The following ASAH2 variants were observed in gnomAD, a reference collection of about 807,000 sequenced individuals.
ASAH2 encodes N-acylsphingosine amidohydrolase 2, also known as neutral ceramidase.
A neutral mutation model predicts 82.9 loss-of-function variants in ASAH2; 58 were observed. The ratio of observed to expected loss-of-function variants is 0.70; its 90% CI spans 0.57 to 0.87. ASAH2 has a LOEUF of 0.87. Among genes scored for constraint, ASAH2 ranks in the 40% least tolerant of loss-of-function variants. The probability of loss-of-function intolerance (pLI) is 0.00; values close to 1 mark genes in which losing one functional copy is unlikely to be tolerated. For missense variants in ASAH2, 779 were observed against 834.0 expected (o/e 0.93, Z 0.81); for synonymous variants, 276 against 289.7 (o/e 0.95, Z 0.48).
chr10:50,248,659 A>G lies in ASAH2; in HGVS notation c.-36-13T>C. ...GGAAGAAGAAATACTGAAGAGGAAG[A>G]AATCACAAATTAAAATGCAAATGCT... On this transcript the variant is annotated splice_polypyrimidine_tract_variant and intron_variant, in intron 1 of 20. Coordinates refer to ENST00000682911, the MANE Select transcript of ASAH2 (RefSeq NM_019893.4). 6.3e-7 allele frequency: 1 copy of G among 1,575,764 alleles called. No individual in the cohort carries two copies. Among genetic ancestry groups the G allele is most frequent in the Non-Finnish European group, 8.6e-7 (1 of 1,157,856 alleles).
Position 50,233,232 on chromosome 10 carries a change from A to G in ASAH2, c.845T>C (p.Ile282Thr). 1 of 1,611,980 alleles carries G rather than the reference A, an allele frequency of 6.2e-7. No individual in the cohort carries two copies. The highest frequency in any genetic ancestry group is 8.5e-7 in the Non-Finnish European group (1 of 1,178,262). The change falls in exon 7 of 21, where the codon ATA becomes ACA. Residue 282 changes from isoleucine to threonine, a missense_variant. Physicochemically the swap from Ile to Thr is moderately conservative, Grantham distance 89. This residue lies in a region of ASAH2 where 759 missense variants were observed against 755.2 expected (regional missense o/e 1.00). Transcript: ENST00000682911. ...RYSSNTDKEM[I>T]VLKMVDLNGD... The stretch of plus-strand genomic sequence containing the variant: ...ATTCAAATCTACCATTTTCAAAACT[A>G]TCATTTCCTTGTCTGTATTTGAAGA...
intron 16 of ASAH2, among the ~76,000 whole-genome samples, chr10:50,201,839 T>TG (rs1470229620): frequency 6.6e-6 from 1 of 152,132 alleles, no homozygotes; most frequent in Non-Finnish European, 1.5e-5. Context: ...ACAAGATATA[T>TG]CTGTGGATCT....
chr10:50,195,447 T>C (rs1844951324), intron 18 of ASAH2, among the ~76,000 whole-genome samples: 1 of 150,700 alleles, frequency 6.6e-6, no homozygotes, highest in East Asian at 2.0e-4. Context: ...TTCATGACAA[T>C]GTGAATTAGT....
At chr10:50,201,571 G>C (rs1442563955) in intron 16 of ASAH2, among the ~76,000 whole-genome samples, 1 of 152,056 alleles carries the variant, frequency 6.6e-6, no homozygotes, top group Admixed American at 6.6e-5. Flanking sequence ...TACTGCAGGG[G>C]GGTTCAGGGA....
intron 7 of ASAH2, among the ~76,000 whole-genome samples, chr10:50,228,077 A>G (rs1447257528): frequency 2.0e-5 from 3 of 152,250 alleles, no homozygotes; most frequent in South Asian, 2.1e-4. Context: ...TGATCCCAAC[A>G]CTCTGAAAGG....
chr10:50,245,566 TTC>T, intron 2 of ASAH2, 112 bp from the exon 3 acceptor site: 1 of 937,752 alleles, frequency 1.1e-6, no homozygotes, highest in Non-Finnish European at 1.6e-6. Flanking sequence ...TTTATATATT[TTC>T]TTATACATAA....
chr10:50,194,683 C>T (rs1294422960), intron 18 of ASAH2, among the ~76,000 whole-genome samples: 3 of 150,976 alleles, frequency 2.0e-5, no homozygotes, highest in African/African-American at 7.3e-5. Flanking sequence ...TAGTAATCAA[C>T]ACAGCATGGT....
In ASAH2 at chr10:50,213,006, T is replaced by C. The variant is rs1401732121; in HGVS notation, c.1193A>G (p.Gln398Arg). 6.2e-7 allele frequency: 1 copy of C among 1,613,828 alleles called. No individual in the cohort carries two copies. Among genetic ancestry groups the C allele is most frequent in the Non-Finnish European group, 8.5e-7 (1 of 1,179,734 alleles). ...GPGQDMFDST[Q>R]IIGRAMYQRA... ...CTGATACATGGCCCGTCCTATAATT[T>C]GTGTGCTGTCAAACATATCCTGTCC... is the stretch of plus-strand genomic sequence containing the variant. The change falls in exon 10 of 21, where the codon CAA becomes CGA. Residue 398 changes from glutamine to arginine, a missense_variant. By Grantham distance (43) the Gln-to-Arg change is conservative (BLOSUM62 1). Transcript: ENST00000682911.
At chr10:50,244,545 G>C (rs528271265) in intron 3 of ASAH2, among the ~76,000 whole-genome samples, 10 of 152,268 alleles carry the variant, frequency 6.6e-5, no homozygotes, top group African/African-American at 2.4e-4. Context: ...TTCATGCTCT[G>C]GTTTCCTAGT....
In ASAH2 at chr10:50,224,151, C is replaced by T. The variant is rs1564843484; in HGVS notation, c.894-5521G>A. Among the ~76,000 whole-genome samples the T allele has an allele frequency of 3.9e-5, 6 of 152,250 alleles. No individual in the cohort carries two copies. In the South Asian group the frequency reaches 1.2e-3, roughly 32 times the overall value. ...TGAGTTACTTAATTTATTTGAACCT[C>T]AGTGTTCATACCTGTAACATAATGA... On this transcript the variant is annotated intron_variant, in intron 7 of 20. Coordinates refer to ENST00000682911, the MANE Select transcript of ASAH2 (RefSeq NM_019893.4).
chr10:50,201,567 A>AG (rs1161837758), intron 16 of ASAH2, among the ~76,000 whole-genome samples: 1 of 152,172 alleles, frequency 6.6e-6, no homozygotes, highest in Non-Finnish European at 1.5e-5. Context: ...CACATACTGC[A>AG]GGGGGGTTCA....
chr10:50,213,227 T>A (rs1277797201), intron 9 of ASAH2, among the ~76,000 whole-genome samples, 169 bp from the exon 10 acceptor site: 2 of 152,328 alleles, frequency 1.3e-5, no homozygotes, highest in Non-Finnish European at 2.9e-5. Flanking sequence ...ATACCTGGAA[T>A]TAGAAGAGTG....
At position 50,199,098 on chromosome 10, in the gene ASAH2, A is replaced by T; in HGVS notation, c.1810T>A (p.Ser604Thr). 3 of 1,613,420 alleles carry T rather than the reference A, an allele frequency of 1.9e-6. No individual in the cohort carries two copies. The highest frequency in any genetic ancestry group is 2.5e-6 in the Non-Finnish European group (3 of 1,179,522). Residue 604 changes from serine to threonine, a missense_variant, in exon 17 of 21, where the codon TCT becomes ACT. Physicochemically the swap from Ser to Thr is moderately conservative, Grantham distance 58. This residue lies in a region of ASAH2 where 759 missense variants were observed against 755.2 expected (regional missense o/e 1.00). Transcript: ENST00000682911. Reference sequence around the variant, plus strand: ...TTTCTGAAGAGCTGAATGTAAGCAGATAATGTGTGCGGTCCATAAATTGTC... The same window carrying T: ...TTTCTGAAGAGCTGAATGTAAGCAGTTAATGTGTGCGGTCCATAAATTGTC... ...ASTIYGPHTLSAYIQLFRNLA... is the reference protein window; with the variant it reads ...ASTIYGPHTLTAYIQLFRNLA...
intron 4 of ASAH2, among the ~76,000 whole-genome samples, chr10:50,240,968 G>A (rs1186315848): frequency 7.9e-5 from 12 of 152,184 alleles, no homozygotes; most frequent in Admixed American, 7.2e-4. Context: ...TGAAAGTAAC[G>A]GTGTATAACT....
chr10:50,187,165 C>A lies in ASAH2; in HGVS notation c.*150G>T. ...ACACACACACACACACACACACACC[C>A]CTCCACCCCATTAGCAGTAAACTAT... On this transcript the variant is annotated 3_prime_UTR_variant, in exon 21 of 21. Transcript: ENST00000682911. 3.8e-6 allele frequency: 1 copy of A among 260,048 alleles called. No homozygotes were observed. 16.1% of individuals were successfully genotyped at this position (260,048 alleles called of 1,614,324 possible).
Position 50,234,542 on chromosome 10 carries a change from A to G in ASAH2, c.698T>C (p.Ile233Thr). 2 of 1,612,830 alleles carry G rather than the reference A, an allele frequency of 1.2e-6. No individual in the cohort carries two copies. The highest frequency in any genetic ancestry group is 1.7e-6 in the Non-Finnish European group (2 of 1,179,080). The change falls in exon 6 of 21, where the codon ATA becomes ACA. Residue 233 changes from isoleucine to threonine, a missense_variant. By Grantham distance (89) the Ile-to-Thr change is moderately conservative. Around this residue, in one of 3 missense-constraint regions of ASAH2, gnomAD observed 759 missense variants for 755.2 expected, o/e 1.00. Transcript: ENST00000682911. Reference protein sequence around the residue: ...MVTGILKSIDIAHTNMKPGKI... With the variant: ...MVTGILKSIDTAHTNMKPGKI... ...GCCTGGTTTCATATTTGTGTGTGCTATGTCAATGCTCTGAAGGTTAAAAAA... is the reference window on the plus strand; with the variant it reads ...GCCTGGTTTCATATTTGTGTGTGCTGTGTCAATGCTCTGAAGGTTAAAAAA...
intron 2 of ASAH2, 42 bp from the exon 3 acceptor site, chr10:50,245,496 T>A: frequency 6.5e-7 from 1 of 1,542,360 alleles, no homozygotes; most frequent in Non-Finnish European, 8.8e-7. Flanking sequence ...ATTTCAGCCC[T>A]CTTATTTGTC....
chr10:50,225,585 C>A (rs897342204), intron 7 of ASAH2, among the ~76,000 whole-genome samples: 2 of 151,994 alleles, frequency 1.3e-5, no homozygotes, highest in Non-Finnish European at 2.9e-5. Flanking sequence ...TGTTACTTGG[C>A]AACAATTGTA....
intron 7 of ASAH2, among the ~76,000 whole-genome samples, chr10:50,227,692 T>C (rs1010136028): frequency 2.6e-5 from 4 of 152,120 alleles, no homozygotes; most frequent in African/African-American, 9.7e-5. Flanking sequence ...TTTCCAGAAA[T>C]CTAACAATCA....
Sources: gnomAD v4.1 joint callset for allele counts (sites outside exome capture counted in the v4.1 genomes callset) on GRCh38, gnomAD v4.1.1 for gene constraint, gnomAD v4.1.1 regional missense constraint, MANE v1.5 for transcripts, NCBI Gene and HGNC (gene_info 2026-07-23, HGNC 2026-07-21) for gene names.